The following CFAP47 variants were observed in gnomAD, a reference collection of about 807,000 sequenced individuals.
CFAP47 encodes cilia and flagella associated protein 47.
A neutral mutation model predicts 148.1 loss-of-function variants in CFAP47; 29 were observed. The observed-to-expected ratio is 0.20, with a 90% CI of 0.15 to 0.27. The LOEUF (loss-of-function observed/expected upper bound fraction) is 0.27, where lower values mean the gene tolerates loss of function less well. Among genes scored for constraint, CFAP47 ranks in the 10% least tolerant of loss-of-function variants. The pLI is 1.00. For missense variants in CFAP47, 1,872 were observed against 1,697.5 expected (o/e 1.10, Z -1.81); for synonymous variants, 664 against 577.3 (o/e 1.15, Z -2.15).
intron 25 of CFAP47, among the ~76,000 whole-genome samples, chrX:36,044,936 C>G (rs779493666): frequency 3.6e-5 from 4 of 111,438 alleles, no homozygotes; most frequent in African/African-American, 9.8e-5. Flanking sequence ...TATTTTGTAC[C>G]CTGCAACTTT....
At chrX:36,212,771 A>T (rs1371611780) in intron 45 of CFAP47, among the ~76,000 whole-genome samples, 1 of 111,442 alleles carries the variant, frequency 9.0e-6, no homozygotes, top group Non-Finnish European at 1.9e-5. Flanking sequence ...AGATGGCAGA[A>T]TACAAGCCTC....
chrX:36,234,303 T>G (rs1301231797), intron 46 of CFAP47, among the ~76,000 whole-genome samples: 2 of 111,061 alleles, frequency 1.8e-5, no homozygotes, highest in Non-Finnish European at 3.8e-5. Context: ...TCTTGGAGGC[T>G]TTGTTCATTT....
At chrX:36,087,168 A>G (rs1164153727) in intron 30 of CFAP47, among the ~76,000 whole-genome samples, 1 of 112,399 alleles carries the variant, frequency 8.9e-6, no homozygotes, top group African/African-American at 3.2e-5. Context: ...TCTTAATACA[A>G]TTTGAGGAAC....
chrX:35,967,731 C>T lies in CFAP47; in HGVS notation c.1713C>T (p.His571=), dbSNP rs145448150. The T allele has an allele frequency of 1.1e-4, 134 of 1,206,762 alleles. 2 individuals are homozygous for T. The African/African-American group carries it at 2.2e-3, about 20-fold the overall frequency. ...TTCAATCAGCCATGACACGCACTCA[C>T]AATCATCGCTCATGTGAAGAGCCAG... ...AMLQSAMTRT[H]NHRSCEEPVK... Residue 571 remains histidine, a synonymous_variant, in exon 10 of 64, where the codon CAC becomes CAT. Transcript: ENST00000378653.
intron 18 of CFAP47, among the ~76,000 whole-genome samples, chrX:35,997,059 A>G (rs190732793): frequency 9.0e-6 from 1 of 111,569 alleles, no homozygotes; most frequent in Non-Finnish European, 1.9e-5. Context: ...AATAGGTAGA[A>G]CTCTGCTTTC....
intron 8 of CFAP47, among the ~76,000 whole-genome samples, chrX:35,961,004 G>A (rs1331037730): frequency 1.8e-5 from 2 of 111,531 alleles, no homozygotes; most frequent in Admixed American, 1.9e-4. Flanking sequence ...TTCATTGACT[G>A]CCTTTATAAA....
intron 46 of CFAP47, among the ~76,000 whole-genome samples, chrX:36,230,645 T>C (rs1306187839): frequency 1.8e-5 from 2 of 110,438 alleles, no homozygotes; most frequent in African/African-American, 6.7e-5. Context: ...TTGGCTTTTG[T>C]TGCCATTGCT....
At chrX:36,338,035 A>ATTT (rs1209274928) in intron 57 of CFAP47, among the ~76,000 whole-genome samples, 2 of 46,599 alleles carry the variant, frequency 4.3e-5, no homozygotes, top group Non-Finnish European at 7.6e-5. Flanking sequence ...ACGCCTGGCT[A>ATTT]TTTTTTTTTT....
intron 49 of CFAP47, among the ~76,000 whole-genome samples, chrX:36,277,458 T>C (rs1941029965): frequency 8.9e-6 from 1 of 112,350 alleles, no homozygotes; most frequent in South Asian, 3.7e-4. Context: ...GACATATATG[T>C]ACCTGAGGAC....
rs941736458 is a variant in CFAP47, at chrX:35,993,456, A to G, written c.3099+135A>G. ...GTTTATTATTAGAAAACTTGTTTTA[A>G]TTCTTTCTTCTATTGGGAATGGGAT... On this transcript the variant is annotated intron_variant, in intron 18 of 63. Coordinates refer to ENST00000378653, the MANE Select transcript of CFAP47 (RefSeq NM_001304548.2). 9 of 258,283 alleles carry G rather than the reference A, an allele frequency of 3.5e-5. No individual in the cohort carries two copies. The East Asian group carries it at 4.0e-4, about 11-fold the overall frequency. The allele number at this position is 258,283 out of a possible 1,213,427, so 21.3% of individuals were successfully genotyped here.
intron 35 of CFAP47, among the ~76,000 whole-genome samples, chrX:36,143,021 A>AT (rs1386995024): frequency 9.0e-6 from 1 of 111,429 alleles, no homozygotes; most frequent in African/African-American, 3.2e-5. Context: ...TAAACTCTGC[A>AT]TTTTTTTATT....
intron 51 of CFAP47, among the ~76,000 whole-genome samples, chrX:36,294,608 A>G (rs1262229168): frequency 9.1e-6 from 1 of 110,449 alleles, no homozygotes; most frequent in Non-Finnish European, 1.9e-5. Flanking sequence ...GCTACTCGGG[A>G]GGCTGAGGCA....
chrX:35,994,806 G>A (rs1332309521), intron 18 of CFAP47, among the ~76,000 whole-genome samples: 1 of 110,680 alleles, frequency 9.0e-6, no homozygotes, highest in African/African-American at 3.3e-5. Flanking sequence ...ATAGTATAAT[G>A]AGACTCATTT....
At chrX:36,208,429 T>C (rs1267295695) in intron 45 of CFAP47, among the ~76,000 whole-genome samples, 1 of 110,349 alleles carries the variant, frequency 9.1e-6, no homozygotes, top group African/African-American at 3.3e-5. Flanking sequence ...GGGAACTCAC[T>C]GATAAGAAAA....
chrX:36,347,253 A>G (rs1941705591), intron 57 of CFAP47, among the ~76,000 whole-genome samples: 1 of 112,125 alleles, frequency 8.9e-6, no homozygotes, highest in South Asian at 3.7e-4. Context: ...CACACCAGTT[A>G]GAATGGCAAT....
intron 24 of CFAP47, among the ~76,000 whole-genome samples, chrX:36,038,325 A>G (rs1454498914): frequency 8.9e-6 from 1 of 111,773 alleles, no homozygotes; most frequent in Non-Finnish European, 1.9e-5. Flanking sequence ...ATCACACACT[A>G]TTCTTGGAGA....
Position 36,361,406 on chromosome X carries a change from T to C in CFAP47, c.8928T>C (p.Cys2976=), listed in dbSNP as rs1450687141. The change falls in exon 61 of 64, where the codon TGT becomes TGC. Residue 2976 remains cysteine (C), a synonymous_variant. Coordinates refer to ENST00000378653, the MANE Select transcript of CFAP47 (RefSeq NM_001304548.2). The part of the protein sequence containing the change: ...SEAMKSKLES[C]VALYMIEKSY... ...CTATGAAGTCTAAGTTGGAATCCTG[T>C]GTAGCTTTATATATGATTGAAAAAT... The C allele has an allele frequency of 5.4e-6, 6 of 1,102,222 alleles. No individual in the cohort carries two copies. The East Asian group carries it at 2.0e-4, about 37-fold the overall frequency. 90.8% of individuals were successfully genotyped at this position (1,102,222 alleles called of 1,213,427 possible). A position where few individuals can be genotyped will look rare whatever the true frequency, so the allele number is the denominator to read the frequency against.
At chrX:36,376,529 G>T (rs1306413467) in intron 62 of CFAP47, among the ~76,000 whole-genome samples, 1 of 112,041 alleles carries the variant, frequency 8.9e-6, no homozygotes, top group East Asian at 2.8e-4. Context: ...CAGAAGCTGA[G>T]CATTTCTTCC....
chrX:36,230,454 GTTGT>G (rs1555992323), intron 46 of CFAP47, among the ~76,000 whole-genome samples: 1 of 107,112 alleles, frequency 9.3e-6, no homozygotes, highest in Admixed American at 1.0e-4. Context: ...TTTTGATGGG[GTTGT>G]TTGTTTTTTT....
Sources: allele counts gnomAD v4.1 joint callset (sites outside exome capture counted in the v4.1 genomes callset), GRCh38; gene constraint gnomAD v4.1.1; transcripts MANE v1.5; gene names NCBI Gene and HGNC (gene_info 2026-07-23, HGNC 2026-07-21).